HPS3: variants seen among roughly 807,000 people sequenced by gnomAD.
The protein encoded by HPS3 is HPS3 biogenesis of lysosomal organelles complex 2 subunit 1.
Under a neutral mutation model 110.9 loss-of-function variants are expected in HPS3, and 79 were observed. That is an observed-to-expected ratio of 0.71 (90% CI 0.59 to 0.86). The LOEUF is 0.86. HPS3 is among the 40% of genes least tolerant of loss of function. The probability of loss-of-function intolerance (pLI) is 0.00; values close to 1 mark genes in which losing one functional copy is unlikely to be tolerated. For missense variants in HPS3, 1,197 were observed against 1,206.2 expected (o/e 0.99, Z 0.11); for synonymous variants, 428 against 451.0 (o/e 0.95, Z 0.65).
chr3:149,154,010 A>G (rs1723291830), intron 7 of HPS3: 1 of 217,944 alleles, frequency 4.6e-6, no homozygotes, highest in South Asian at 8.2e-5. Flanking sequence ...CAGTTGTTAC[A>G]TTTTTATCTA....
intron 16 of HPS3, among the ~76,000 whole-genome samples, chr3:149,171,704 T>TTTTC (rs1219080298): frequency 6.8e-6 from 1 of 147,198 alleles, no homozygotes; most frequent in African/African-American, 2.5e-5. Flanking sequence ...GCTTCTTTTT[T>TTTTC]TTTTTTTTTT....
intron 13 of HPS3, 24 bp downstream of exon 13, chr3:149,162,902 A>T (rs1423834365): frequency 6.3e-7 from 1 of 1,576,618 alleles, no homozygotes; most frequent in Non-Finnish European, 8.7e-7. Flanking sequence ...ATAATACCTT[A>T]AATTTAACTC....
chr3:149,172,127 C>A lies in HPS3; in HGVS notation c.2920C>A (p.Leu974Met). 1 of 1,612,942 alleles carries A rather than the reference C, an allele frequency of 6.2e-7. No homozygotes were observed. Among genetic ancestry groups the A allele is most frequent in the South Asian group, 1.1e-5 (1 of 91,048 alleles). ...TLSIVAVELE[L>M]KDFMNVLPED... ...GTCAATTGTTGCTGTGGAACTAGAA[C>A]TGAAGGATTTCATGAATGTTCTCCC... Residue 974 changes from leucine to methionine, a missense_variant, in exon 17 of 17, where the codon CTG becomes ATG. Physicochemically the swap from Leu to Met is conservative, Grantham distance 15 (BLOSUM62 2). Coordinates refer to ENST00000296051, the MANE Select transcript of HPS3 (RefSeq NM_032383.5).
rs760329030 is a variant in HPS3 at position 149,140,104 on chromosome 3, C to A, written c.318C>A (p.Ile106=). The change falls in exon 2 of 17, where the codon ATC becomes ATA. Residue 106 remains isoleucine, a synonymous_variant. Transcript: ENST00000296051. ...GGACTGAAAACTCTCGTGTGTGTAT[C>A]CGAATGATTGGGCATAATGTGGAGG... ...NKRTENSRVC[I]RMIGHNVEGP... 1.4e-5 allele frequency: 22 copies of A among 1,613,112 alleles called. No homozygotes were observed. The highest frequency in any genetic ancestry group is 1.1e-5 in the South Asian group (1 of 90,972).
chr3:149,169,173 A>T (rs911678913), intron 16 of HPS3, among the ~76,000 whole-genome samples: 1 of 152,122 alleles, frequency 6.6e-6, no homozygotes, highest in African/African-American at 2.4e-5. Flanking sequence ...CACCAGCAAT[A>T]TGCCTCTCCT....
chr3:149,131,067 A>C (rs1326752895), intron 1 of HPS3, among the ~76,000 whole-genome samples: 1 of 149,482 alleles, frequency 6.7e-6, no homozygotes, highest in Non-Finnish European at 1.5e-5. Flanking sequence ...TCTAATCCCT[A>C]CCCCGCAGCT....
At chr3:149,162,933 A>C (rs1161730171) in intron 13 of HPS3, 55 bp downstream of exon 13, 12 of 1,356,266 alleles carry the variant, frequency 8.8e-6, no homozygotes, top group Admixed American at 3.4e-5. Flanking sequence ...CATTACAAAA[A>C]CATACCTTAT....
At chr3:149,139,028 TTAAAA>T (rs1296212478) in intron 1 of HPS3, among the ~76,000 whole-genome samples, 1 of 152,222 alleles carries the variant, frequency 6.6e-6, no homozygotes, top group Admixed American at 6.5e-5. Context: ...ATCTGTACCG[TTAAAA>T]TAAATCCCCC....
At chr3:149,139,318 A>G (rs1180019693) in intron 1 of HPS3, among the ~76,000 whole-genome samples, 1 of 152,102 alleles carries the variant, frequency 6.6e-6, no homozygotes, top group Non-Finnish European at 1.5e-5. Flanking sequence ...TAAAAAAGAC[A>G]GAATACCTCT....
Position 149,155,120 on chromosome 3 carries a change from A to G in HPS3, c.1414A>G (p.Thr472Ala), listed in dbSNP as rs769774599. The G allele has an allele frequency of 1.9e-5, 31 of 1,592,948 alleles. No homozygotes were observed. The highest frequency in any genetic ancestry group is 2.7e-5 in the African/African-American group (2 of 74,504). The stretch of plus-strand genomic sequence containing the variant: ...TTTTGCTTTTAGTTCGAGAAAAGAT[A>G]CCAGTGTTAAAATCAAAATACCTCC... Reference protein sequence around the residue: ...SPKRLLSRKDTSVKIKIPPVA... With the variant: ...SPKRLLSRKDASVKIKIPPVA... The change falls in exon 8 of 17, where the codon ACC (threonine) becomes GCC (alanine). Residue 472 changes from threonine (T) to alanine (A), a missense_variant. Coordinates refer to ENST00000296051, the MANE Select transcript of HPS3 (RefSeq NM_032383.5).
At chr3:149,142,895 G>C (rs574769932) in intron 4 of HPS3, among the ~76,000 whole-genome samples, 102 of 152,258 alleles carry the variant, frequency 6.7e-4, no homozygotes, top group African/African-American at 2.3e-3. Flanking sequence ...GTCAGGGAAG[G>C]CTTCCTGAGA....
At chr3:149,150,789 G>A (rs914069815) in intron 6 of HPS3, 109 bp downstream of exon 6, 2 of 873,872 alleles carry the variant, frequency 2.3e-6, no homozygotes, top group Non-Finnish European at 3.9e-6. Flanking sequence ...AAGAGCTTAA[G>A]GTTGTCTAAT....
intron 5 of HPS3, among the ~76,000 whole-genome samples, chr3:149,146,228 A>C (rs1173440360): frequency 6.6e-6 from 1 of 152,178 alleles, no homozygotes. Flanking sequence ...CTGACCATGC[A>C]ACTGTGAATA....
chr3:149,130,682 A>C (rs976847821), intron 1 of HPS3, among the ~76,000 whole-genome samples: 1 of 152,192 alleles, frequency 6.6e-6, no homozygotes, highest in Non-Finnish European at 1.5e-5. Flanking sequence ...TGGGAGGCTG[A>C]GGCAGGAGAA....
rs1374351071 is a variant in HPS3 at position 149,163,599 on chromosome 3, A to G, written c.2482-243A>G. On this transcript the variant is annotated intron_variant, in intron 13 of 16. Transcript: ENST00000296051. ...TAAATGCAGTATTGCTCTTTTTGCT[A>G]GAAAGTGCCTCTTTGGAGTATTTAC... Among the ~76,000 whole-genome samples, 4 of 152,350 alleles carry G rather than the reference A, an allele frequency of 2.6e-5. No homozygotes were observed. The East Asian group carries it at 5.8e-4, about 22-fold the overall frequency.
At chr3:149,171,814 C>T (rs1428851527) in intron 16 of HPS3, among the ~76,000 whole-genome samples, 2 of 150,758 alleles carry the variant, frequency 1.3e-5, no homozygotes, top group African/African-American at 2.5e-5. Context: ...AAGCAATTCT[C>T]CCGCCTCAGC....
chr3:149,153,509 A>G lies in HPS3; in HGVS notation c.1261A>G (p.Ser421Gly), dbSNP rs1723259282. Residue 421 changes from serine (S) to glycine (G), a missense_variant, in exon 7 of 17, where the codon AGT (serine) becomes GGT (glycine). Transcript: ENST00000296051. ...CCTTTACTAGGCTTGCCCACCTGTC[A>G]GTATGGATGTCTGTGCTTTAAGAAT... The part of the protein sequence containing the change: ...DTTLKACPPV[S>G]MDVCALRIQL... The G allele has an allele frequency of 6.2e-7, 1 of 1,613,990 alleles. No homozygotes were observed. Among genetic ancestry groups the G allele is most frequent in the Non-Finnish European group, 8.5e-7 (1 of 1,179,846 alleles).
rs1193592866 is a variant in HPS3 at position 149,173,621 on chromosome 3, AT to A, written c.*1401del. 1.7e-5 allele frequency: 14 copies of A among 844,816 alleles called. No individual in the cohort carries two copies. Among genetic ancestry groups the A allele is most frequent in the South Asian group, 1.1e-4 (7 of 61,824 alleles). 52.3% of individuals were successfully genotyped at this position (844,816 alleles called of 1,614,324 possible). ...CAGTCTTCTTTTAATGTTTATAGTC[AT>A]TCCAAAGTAACATTCTATTTTACAC... is the stretch of plus-strand genomic sequence containing the variant. On this transcript the variant is annotated 3_prime_UTR_variant, in exon 17 of 17. Transcript: ENST00000296051.
chr3:149,172,128 T>C lies in HPS3; in HGVS notation c.2921T>C (p.Leu974Pro). ...TCAATTGTTGCTGTGGAACTAGAAC[T>C]GAAGGATTTCATGAATGTTCTCCCA... is the stretch of plus-strand genomic sequence containing the variant. ...TLSIVAVELE[L>P]KDFMNVLPED... The change falls in exon 17 of 17, where the codon CTG becomes CCG. Residue 974 changes from leucine (L) to proline (P), a missense_variant. By Grantham distance (98) the Leu-to-Pro change is moderately conservative (BLOSUM62 -3). Coordinates refer to ENST00000296051, the MANE Select transcript of HPS3 (RefSeq NM_032383.5). The C allele has an allele frequency of 1.2e-6, 2 of 1,612,830 alleles. No homozygotes were observed. Among genetic ancestry groups the C allele is most frequent in the Middle Eastern group, 3.3e-4 (2 of 6,032 alleles).
Sources: gnomAD v4.1 joint callset for allele counts (sites outside exome capture counted in the v4.1 genomes callset) on GRCh38, gnomAD v4.1.1 for gene constraint, MANE v1.5 for transcripts, NCBI Gene and HGNC (gene_info 2026-07-23, HGNC 2026-07-21) for gene names.